FOXN3: variants seen among roughly 807,000 people sequenced by gnomAD.
FOXN3 encodes the protein forkhead box N3, also known as forkhead box protein N3.
Under a neutral mutation model 38.4 loss-of-function variants are expected in FOXN3, and 7 were observed. The ratio of observed to expected loss-of-function variants is 0.18; its 90% confidence interval spans 0.10 to 0.34. FOXN3 has a LOEUF of 0.34. FOXN3 is among the 10% of genes least tolerant of loss of function. The pLI is 1.00. For missense variants in FOXN3, 456 were observed against 613.4 expected, an observed-to-expected ratio of 0.74 and a Z score of 2.71; for synonymous variants, 230 against 242.2, an observed-to-expected ratio of 0.95 and a Z score of 0.47.
chr14:89,246,325 C>T (rs952170414), intron 4 of FOXN3, among the ~76,000 whole-genome samples: 2 of 151,964 alleles, frequency 1.3e-5, no homozygotes, highest in South Asian at 2.1e-4. Context: ...TATATTTTCC[C>T]GGGGCATGAT....
At chr14:89,337,197 C>T (rs1326714585) in intron 3 of FOXN3, among the ~76,000 whole-genome samples, 4 of 152,226 alleles carry the variant, frequency 2.6e-5, no homozygotes, top group South Asian at 2.1e-4. Flanking sequence ...CAAAGAATTG[C>T]GATCTTCCTC....
intron 3 of FOXN3, among the ~76,000 whole-genome samples, chr14:89,284,173 C>G (rs567213951): frequency 6.6e-6 from 1 of 152,160 alleles, no homozygotes; most frequent in East Asian, 1.9e-4. Flanking sequence ...CTGACCCATC[C>G]ATTTTTTTTT....
chr14:89,281,629 C>T (rs951758556), intron 3 of FOXN3, among the ~76,000 whole-genome samples: 8 of 152,058 alleles, frequency 5.3e-5, no homozygotes, highest in African/African-American at 1.2e-4. Flanking sequence ...ACAGGAGAGG[C>T]AAGAAAATAG....
upstream of FOXN3, chr14:89,419,072 GTGAT>G: frequency 2.2e-6 from 1 of 454,832 alleles, no homozygotes; most frequent in Non-Finnish European, 4.4e-6. Flanking sequence ...TGAGCCAAAG[GTGAT>G]TGTACATGGA....
intron 4 of FOXN3, among the ~76,000 whole-genome samples, chr14:89,210,497 A>C (rs1204737670): frequency 1.3e-5 from 2 of 152,232 alleles, no homozygotes; most frequent in African/African-American, 2.4e-5. Flanking sequence ...GAATGGACTA[A>C]GACACATACT....
chr14:89,265,762 C>T (rs1307100093), intron 4 of FOXN3, among the ~76,000 whole-genome samples: 1 of 152,232 alleles, frequency 6.6e-6, no homozygotes, highest in Non-Finnish European at 1.5e-5. Context: ...CTACTTGAGA[C>T]TCTTTCAGCT....
At chr14:89,416,148 C>T (rs1404346743) in intron 1 of FOXN3, among the ~76,000 whole-genome samples, 3 of 151,954 alleles carry the variant, frequency 2.0e-5, no homozygotes, top group East Asian at 1.9e-4. Flanking sequence ...CACGCACGCG[C>T]TTCACTCTCG....
chr14:89,369,672 G>C (rs1214423334), intron 2 of FOXN3, among the ~76,000 whole-genome samples: 4 of 152,136 alleles, frequency 2.6e-5, no homozygotes, highest in Admixed American at 2.6e-4. Flanking sequence ...GAATGAGAGA[G>C]CTTGTGTAGG....
chr14:89,530,999 A>AAT lies in FOXN3; in HGVS notation c.-15+88027_-15+88028dup, dbSNP rs1596309019. ...TATACATATATATCTACACATATAT[A>AAT]ATATATATACATATAATATCTACAC... On this transcript the variant is annotated intron_variant, in intron 1 of 6. Coordinates refer to the FOXN3 transcript ENST00000345097. 3.4e-5 allele frequency among the ~76,000 whole-genome samples: 5 copies of AAT among 147,160 alleles called. No homozygotes were observed. The East Asian group carries it at 9.7e-4, about 29-fold the overall frequency.
chr14:89,249,448 G>A (rs987418439), intron 4 of FOXN3, among the ~76,000 whole-genome samples: 2 of 152,210 alleles, frequency 1.3e-5, no homozygotes, highest in African/African-American at 2.4e-5. Flanking sequence ...AATGCTGAGA[G>A]GGCAAGTCAG....
chr14:89,452,658 C>T (rs1299981870), intron 1 of FOXN3, among the ~76,000 whole-genome samples: 1 of 152,148 alleles, frequency 6.6e-6, no homozygotes. Flanking sequence ...TGGCTATTTC[C>T]CCTCATGCAG....
Position 89,326,762 on chromosome 14 carries a change from C to G in FOXN3, c.680+23910G>C, listed in dbSNP as rs144981988. 2.4e-3 allele frequency among the ~76,000 whole-genome samples: 359 copies of G among 152,220 alleles called. 2 individuals carry two copies. Among genetic ancestry groups the G allele is most frequent in the African/African-American group, 7.9e-3 (329 of 41,512 alleles). On this transcript the variant is annotated intron_variant, in intron 3 of 5. Transcript: ENST00000557258. Reference sequence around the variant, plus strand: ...AAAGCTCTATGACTCTTCAGACAACCAGCAACCACTTACCACTATTCAATG... The same window carrying G: ...AAAGCTCTATGACTCTTCAGACAACGAGCAACCACTTACCACTATTCAATG...
At chr14:89,368,246 C>T in intron 2 of FOXN3, among the ~76,000 whole-genome samples, 1 of 151,374 alleles carries the variant, frequency 6.6e-6, no homozygotes, top group South Asian at 2.1e-4. Flanking sequence ...AGAAGAATCG[C>T]TTGAACCCAG....
At chr14:89,248,889 T>C (rs1352219726) in intron 4 of FOXN3, among the ~76,000 whole-genome samples, 1 of 152,208 alleles carries the variant, frequency 6.6e-6, no homozygotes, top group Non-Finnish European at 1.5e-5. Context: ...ATTCAACCTC[T>C]TGATTTAAGA....
intron 4 of FOXN3, among the ~76,000 whole-genome samples, chr14:89,267,182 T>C (rs1166129757): frequency 6.6e-6 from 1 of 152,062 alleles, no homozygotes; most frequent in African/African-American, 2.4e-5. Context: ...CCTGAGGAGA[T>C]GAGGGTGGCT....
chr14:89,561,070 G>A (rs1027887211), intron 1 of FOXN3, among the ~76,000 whole-genome samples: 11 of 152,190 alleles, frequency 7.2e-5, no homozygotes, highest in African/African-American at 2.7e-4. Flanking sequence ...AGCAGAAGAC[G>A]GAGATCCATG....
chr14:89,489,955 C>T (rs143463098), intron 1 of FOXN3, among the ~76,000 whole-genome samples: 185 of 152,338 alleles, frequency 1.2e-3, no homozygotes, highest in Admixed American at 2.2e-3. Flanking sequence ...TCATGGACTC[C>T]ACACAGGAGC....
chr14:89,380,783 G>A (rs1566972911), intron 2 of FOXN3, among the ~76,000 whole-genome samples: 1 of 152,200 alleles, frequency 6.6e-6, no homozygotes, highest in Non-Finnish European at 1.5e-5. Flanking sequence ...TGCTTCCCCT[G>A]TGGACAAGGG....
intron 1 of FOXN3, among the ~76,000 whole-genome samples, chr14:89,423,892 C>T (rs993651883): frequency 3.3e-5 from 5 of 152,136 alleles, no homozygotes; most frequent in East Asian, 1.9e-4. Context: ...CTTGGGAGAT[C>T]CTATAAGAGA....
Sources: gnomAD v4.1 joint callset for allele counts (sites outside exome capture counted in the v4.1 genomes callset) on GRCh38, gnomAD v4.1.1 for gene constraint, MANE v1.5 for transcripts, NCBI Gene and HGNC (gene_info 2026-07-23, HGNC 2026-07-21) for gene names.